Variants in FHIT observed in about 807,000 individuals in gnomAD.
The protein encoded by FHIT is fragile histidine triad diadenosine triphosphatase.
Under a neutral mutation model 17.9 loss-of-function variants are expected in FHIT, and 19 were observed. That is an observed-to-expected ratio of 1.06 (90% confidence interval 0.74 to 1.56). The LOEUF (loss-of-function observed/expected upper bound fraction) is 1.56. FHIT is among the 40% of genes most tolerant of loss of function. The pLI, the probability that FHIT is intolerant of heterozygous loss-of-function variation, is 0.00. For synonymous variants in FHIT, 81 were observed against 69.7 expected (o/e 1.16, Z -0.81); for missense variants, 248 against 189.2 (o/e 1.31, Z -1.82).
intron 5 of FHIT, among the ~76,000 whole-genome samples, chr3:60,019,753 T>G (rs1700483364): frequency 6.6e-6 from 1 of 152,106 alleles, no homozygotes; most frequent in Non-Finnish European, 1.5e-5. Context: ...TCCAATACCT[T>G]CACTGTCAGA....
chr3:60,860,580 A>G (rs1471592501), intron 3 of FHIT, among the ~76,000 whole-genome samples: 1 of 74,604 alleles, frequency 1.3e-5, no homozygotes, highest in African/African-American at 5.3e-5. Flanking sequence ...TATATGATAC[A>G]TATGTATCAT....
intron 3 of FHIT, among the ~76,000 whole-genome samples, chr3:60,962,433 G>C (rs929329751): frequency 2.0e-5 from 3 of 152,074 alleles, no homozygotes; most frequent in Non-Finnish European, 4.4e-5. Flanking sequence ...TCTTTCTCTT[G>C]CCTGATTGCC....
rs1702803265 is a variant in FHIT, at chr3:60,843,316, ATAAGT to A, written c.-110-21310_-110-21306del. On this transcript the variant is annotated intron_variant, in intron 3 of 9. Transcript: ENST00000492590. The stretch of plus-strand genomic sequence containing the variant: ...TTTTTTCTCACAAAAGAGAAGTGAA[ATAAGT>A]ACCTTATTATGTTCCAATAATATCA... 2.0e-4 allele frequency among the ~76,000 whole-genome samples: 30 copies of A among 152,320 alleles called. No individual in the cohort carries two copies. In the South Asian group the frequency reaches 6.2e-3, roughly 32 times the overall value.
chr3:61,243,245 C>G (rs900459129), intron 1 of FHIT, among the ~76,000 whole-genome samples: 2 of 152,124 alleles, frequency 1.3e-5, no homozygotes, highest in African/African-American at 4.8e-5. Context: ...CAGACCTAAC[C>G]ACCTCTTTAG....
Position 59,878,651 on chromosome 3 carries a change from A to T in FHIT, c.348+43695T>A, listed in dbSNP as rs767226920. ...TTTCACAGCATGAGGAACACAGCCGAAGAGAAAGTGCAAGAAAAACAATAT... is the reference window on the plus strand; with the variant it reads ...TTTCACAGCATGAGGAACACAGCCGTAGAGAAAGTGCAAGAAAAACAATAT... On this transcript the variant is annotated intron_variant, in intron 8 of 9. Transcript: ENST00000492590. 5.9e-5 allele frequency among the ~76,000 whole-genome samples: 9 copies of T among 152,238 alleles called. No individual in the cohort carries two copies. The South Asian group carries it at 1.7e-3, about 28-fold the overall frequency.
intron 8 of FHIT, among the ~76,000 whole-genome samples, chr3:59,803,287 G>A (rs1700070951): frequency 6.6e-6 from 1 of 152,170 alleles, no homozygotes; most frequent in Non-Finnish European, 1.5e-5. Context: ...TTCCCAAGTT[G>A]TAGGGACAGA....
intron 1 of FHIT, among the ~76,000 whole-genome samples, chr3:61,212,967 T>C (rs2106775186): frequency 6.6e-6 from 1 of 152,284 alleles, no homozygotes; most frequent in East Asian, 1.9e-4. Context: ...AGAGATTTTC[T>C]CACCACCAGG....
chr3:60,659,877 ATAAAATAATG>A (rs1286182002), intron 4 of FHIT, among the ~76,000 whole-genome samples: 3 of 152,132 alleles, frequency 2.0e-5, no homozygotes, highest in African/African-American at 7.2e-5. Flanking sequence ...GGACATTGAA[ATAAAATAATG>A]TGATAACTGT....
At chr3:60,467,830 T>G (rs1275176253) in intron 5 of FHIT, among the ~76,000 whole-genome samples, 23 of 152,156 alleles carry the variant, frequency 1.5e-4, no homozygotes. Context: ...TAGGTCCATT[T>G]GGTCTGTACT....
At chr3:59,840,448 T>A (rs1701493013) in intron 8 of FHIT, among the ~76,000 whole-genome samples, 1 of 151,878 alleles carries the variant, frequency 6.6e-6, no homozygotes, top group Non-Finnish European at 1.5e-5. Flanking sequence ...GAGGAATCTC[T>A]TCATTTTTGA....
chr3:59,948,329 C>T (rs1466256749), intron 7 of FHIT, among the ~76,000 whole-genome samples: 1 of 142,294 alleles, frequency 7.0e-6, no homozygotes, highest in Non-Finnish European at 1.5e-5. Flanking sequence ...ATAGTGAAAC[C>T]CCGTCTCCAC....
intron 3 of FHIT, among the ~76,000 whole-genome samples, chr3:60,877,616 A>C (rs1704730673): frequency 6.6e-6 from 1 of 152,156 alleles, no homozygotes; most frequent in Non-Finnish European, 1.5e-5. Flanking sequence ...GCCTGAGTTA[A>C]AGTGTCACAT....
intron 3 of FHIT, among the ~76,000 whole-genome samples, chr3:60,951,424 A>C (rs1034498473): frequency 6.6e-6 from 1 of 152,216 alleles, no homozygotes; most frequent in Non-Finnish European, 1.5e-5. Context: ...GTGCTACTTA[A>C]GGCACCAAGT....
chr3:60,984,582 T>C (rs899661216), intron 3 of FHIT, among the ~76,000 whole-genome samples: 7 of 152,184 alleles, frequency 4.6e-5, no homozygotes, highest in African/African-American at 1.7e-4. Context: ...CAGAGAACTG[T>C]GCTAAGAACT....
chr3:60,957,463 T>C (rs1367178525), intron 3 of FHIT, among the ~76,000 whole-genome samples: 3 of 152,128 alleles, frequency 2.0e-5, no homozygotes, highest in African/African-American at 7.2e-5. Context: ...GGTCTTGATC[T>C]CCTGACCTTG....
chr3:59,939,649 A>C (rs546728241), intron 7 of FHIT, among the ~76,000 whole-genome samples: 1 of 152,358 alleles, frequency 6.6e-6, no homozygotes, highest in South Asian at 2.1e-4. Context: ...GCGTTGGCTT[A>C]GGACACTGCT....
At chr3:60,630,967 T>G (rs1239798307) in intron 4 of FHIT, among the ~76,000 whole-genome samples, 7 of 114,244 alleles carry the variant, frequency 6.1e-5, no homozygotes, top group Non-Finnish European at 1.3e-4. Context: ...CACACAGAAA[T>G]AACTGAGTAA....
intron 2 of FHIT, among the ~76,000 whole-genome samples, chr3:61,065,645 A>C (rs2034580071): frequency 6.6e-6 from 1 of 152,128 alleles, no homozygotes; most frequent in South Asian, 2.1e-4. Context: ...GGGACAACTT[A>C]ATTTCAACTT....
chr3:61,242,490 C>A (rs1035868696), intron 1 of FHIT, among the ~76,000 whole-genome samples: 106 of 152,258 alleles, frequency 7.0e-4, no homozygotes, highest in African/African-American at 2.4e-3. Context: ...CAGTTTATCC[C>A]CCTACCCCAG....
Sources: allele counts gnomAD v4.1 joint callset (sites outside exome capture counted in the v4.1 genomes callset), GRCh38; gene constraint gnomAD v4.1.1; transcripts MANE v1.5; gene names NCBI Gene and HGNC (gene_info 2026-07-23, HGNC 2026-07-21).